Variants in MYRIP observed in about 807,000 individuals in gnomAD.
MYRIP encodes the protein myosin VIIA and Rab interacting protein, also known as rab effector MyRIP.
In MYRIP, 49 loss-of-function variants were observed where a neutral mutation model predicts 98.0. The ratio of observed to expected loss-of-function variants is 0.50; its 90% CI spans 0.40 to 0.63. The LOEUF (loss-of-function observed/expected upper bound fraction) is 0.63. Among genes scored for constraint, MYRIP ranks in the 30% least tolerant of loss-of-function variants. The probability of loss-of-function intolerance (pLI) is 0.00; values close to 1 mark genes in which losing one functional copy is unlikely to be tolerated. For synonymous variants in MYRIP, 404 were observed against 409.5 expected (o/e 0.99, Z 0.16); for missense variants, 1,004 against 1,058.2 (o/e 0.95, Z 0.71).
At chr3:39,874,817 C>G (rs1942930631) in intron 1 of MYRIP, among the ~76,000 whole-genome samples, 2 of 152,062 alleles carry the variant, frequency 1.3e-5, no homozygotes, top group South Asian at 2.1e-4. Flanking sequence ...TTGGTTGTGT[C>G]TCTGCCCGGC....
intron 10 of MYRIP, among the ~76,000 whole-genome samples, chr3:40,199,227 C>T (rs1173183168): frequency 6.6e-6 from 1 of 152,136 alleles, no homozygotes; most frequent in Non-Finnish European, 1.5e-5. Context: ...CCACAGCAGC[C>T]CCTGCTCTAA....
At chr3:40,189,193 C>T (rs764137220) in intron 9 of MYRIP, among the ~76,000 whole-genome samples, 1 of 152,240 alleles carries the variant, frequency 6.6e-6, no homozygotes, top group Non-Finnish European at 1.5e-5. Context: ...AGTTACTTAA[C>T]TTCGCTCATC....
intron 8 of MYRIP, among the ~76,000 whole-genome samples, chr3:40,175,199 G>A (rs1423898005): frequency 6.6e-6 from 1 of 152,166 alleles, no homozygotes; most frequent in Non-Finnish European, 1.5e-5. Context: ...TCCCAAATGT[G>A]GTGATAAGAA....
chr3:39,941,182 G>T (rs1245919584), intron 2 of MYRIP, among the ~76,000 whole-genome samples: 1 of 152,130 alleles, frequency 6.6e-6, no homozygotes, highest in Non-Finnish European at 1.5e-5. Flanking sequence ...TTGGCTCATG[G>T]TTCTTCAGGC....
At chr3:40,072,947 T>C (rs1454852909) in intron 3 of MYRIP, among the ~76,000 whole-genome samples, 1 of 152,248 alleles carries the variant, frequency 6.6e-6, no homozygotes, top group East Asian at 1.9e-4. Context: ...CTATATTCTT[T>C]ATGATCTTTT....
chr3:40,037,588 A>C (rs1947411758), intron 2 of MYRIP, among the ~76,000 whole-genome samples: 1 of 152,024 alleles, frequency 6.6e-6, no homozygotes, highest in Non-Finnish European at 1.5e-5. Flanking sequence ...ACTAGTCCTA[A>C]AACTGAGTTC....
intron 2 of MYRIP, among the ~76,000 whole-genome samples, chr3:39,957,279 A>G (rs544211131): frequency 6.6e-6 from 1 of 152,004 alleles, no homozygotes; most frequent in Admixed American, 6.5e-5. Context: ...AAAATCCCCA[A>G]TAAAATACTG....
chr3:40,233,830 C>T (rs1270083599), intron 11 of MYRIP, 29 bp from the exon 12 acceptor site: 8 of 1,596,246 alleles, frequency 5.0e-6, no homozygotes, highest in Non-Finnish European at 5.1e-6. Context: ...TTCTTGTCTT[C>T]TGTCCCCTTC....
At chr3:39,914,314 T>C (rs1944100812) in intron 2 of MYRIP, among the ~76,000 whole-genome samples, 1 of 152,150 alleles carries the variant, frequency 6.6e-6, no homozygotes, top group Admixed American at 6.5e-5. Context: ...GCAGAGATGC[T>C]TTCAGAATAG....
intron 3 of MYRIP, among the ~76,000 whole-genome samples, chr3:40,046,338 G>T (rs2280320): frequency 0.067 from 10,116 of 151,922 alleles, 423 homozygotes; most frequent in East Asian, 0.22. Context: ...ACTGACGTTT[G>T]TTACCAACTG....
intron 10 of MYRIP, among the ~76,000 whole-genome samples, chr3:40,196,198 C>T (rs549082035): frequency 9.9e-4 from 151 of 151,898 alleles, no homozygotes; most frequent in African/African-American, 3.6e-3. Flanking sequence ...CTGTTACTTT[C>T]ATTCATTAAT....
chr3:39,894,934 A>T (rs1370497227), intron 1 of MYRIP, among the ~76,000 whole-genome samples: 2 of 152,266 alleles, frequency 1.3e-5, no homozygotes, highest in Non-Finnish European at 2.9e-5. Flanking sequence ...CTACAAATGT[A>T]TATAAGTACC....
At chr3:40,248,236 C>A (rs1953264331) in intron 13 of MYRIP, 1 of 152,278 alleles carries the variant, frequency 6.6e-6, no homozygotes, top group African/African-American at 2.4e-5. Flanking sequence ...AAAGAGACTG[C>A]AGAATGACCC....
intron 3 of MYRIP, among the ~76,000 whole-genome samples, chr3:40,065,426 T>A (rs2125853049): frequency 6.6e-6 from 1 of 152,062 alleles, no homozygotes; most frequent in South Asian, 2.1e-4. Context: ...GAAGCATAAT[T>A]CAACCCACAA....
At chr3:40,065,219 T>TTC (rs1319205108) in intron 3 of MYRIP, among the ~76,000 whole-genome samples, 2 of 152,176 alleles carry the variant, frequency 1.3e-5, no homozygotes, top group Non-Finnish European at 2.9e-5. Flanking sequence ...TCACATAGTA[T>TTC]TCTCCCTGTG....
intron 1 of MYRIP, among the ~76,000 whole-genome samples, chr3:39,815,916 T>TA (rs1423457608): frequency 6.6e-6 from 1 of 151,770 alleles, no homozygotes; most frequent in Non-Finnish European, 1.5e-5. Flanking sequence ...ATGCTTATGT[T>TA]AAATTTTTAT....
chr3:40,149,180 G>C (rs1157046670), intron 3 of MYRIP, among the ~76,000 whole-genome samples: 2 of 152,180 alleles, frequency 1.3e-5, no homozygotes, highest in African/African-American at 4.8e-5. Flanking sequence ...ATCTGCTTCT[G>C]GTAAAAACCT....
intron 2 of MYRIP, among the ~76,000 whole-genome samples, chr3:39,984,473 A>T (rs1019458751): frequency 6.6e-6 from 1 of 151,430 alleles, no homozygotes; most frequent in African/African-American, 2.4e-5. Flanking sequence ...GAGAATATGC[A>T]GTGTTTGGTT....
At chr3:39,931,956 G>T (rs924798018) in intron 2 of MYRIP, among the ~76,000 whole-genome samples, 1 of 152,108 alleles carries the variant, frequency 6.6e-6, no homozygotes, top group Non-Finnish European at 1.5e-5. Context: ...AGGAATATTG[G>T]TCTGTACTTT....
Sources: allele counts gnomAD v4.1 joint callset (sites outside exome capture counted in the v4.1 genomes callset), GRCh38; gene constraint gnomAD v4.1.1; transcripts MANE v1.5; gene names NCBI Gene and HGNC (gene_info 2026-07-23, HGNC 2026-07-21).